PCDHGB2: variants seen among roughly 807,000 people sequenced by gnomAD.
PCDHGB2 encodes the protein protocadherin gamma subfamily B, 2, also known as protocadherin gamma-B2.
In PCDHGB2, 55 loss-of-function variants were observed where a neutral mutation model predicts 59.3. The observed-to-expected ratio is 0.93, with a 90% CI of 0.75 to 1.16. The LOEUF (loss-of-function observed/expected upper bound fraction) is 1.16. PCDHGB2 is among the 50% of genes most tolerant of loss of function. The pLI is 0.00. For synonymous variants in PCDHGB2, 516 were observed against 512.0 expected (o/e 1.01, Z -0.11); for missense variants, 1,228 against 1,198.5 (o/e 1.02, Z -0.36).
rs1480686339 is a variant in PCDHGB2, at chr5:141,415,643, A to G, written c.2421+53087A>G. ...TTTATTTTCATTTTTACTTTTGTTA[A>G]AAAAAAAAAGATTGGTTTTTACTTT... is the stretch of plus-strand genomic sequence containing the variant. On this transcript the variant is annotated intron_variant, in intron 1 of 3. Transcript: ENST00000522605. The G allele has an allele frequency of 5.1e-6, 8 of 1,571,752 alleles. No individual in the cohort carries two copies. In the South Asian group the frequency reaches 9.1e-5, roughly 18 times the overall value.
chr5:141,422,883 C>A, intron 1 of PCDHGB2: 1 of 1,614,242 alleles, frequency 6.2e-7, no homozygotes, highest in Non-Finnish European at 8.5e-7. Flanking sequence ...TGAGCCTGTT[C>A]GTGCTGGACC....
At chr5:141,478,428 C>G in intron 1 of PCDHGB2, 1 of 1,613,746 alleles carries the variant, frequency 6.2e-7, no homozygotes. Flanking sequence ...CGCAGCGACC[C>G]GCTGCTGAAG....
chr5:141,506,870 G>A (rs2099856877), intron 3 of PCDHGB2, among the ~76,000 whole-genome samples: 1 of 152,166 alleles, frequency 6.6e-6, no homozygotes, highest in East Asian at 1.9e-4. Flanking sequence ...GGTGGGTAGA[G>A]AACCAGGTGA....
chr5:141,489,846 T>C lies in PCDHGB2; in HGVS notation c.2422-4961T>C. The C allele has an allele frequency of 6.2e-7, 1 of 1,614,190 alleles. No individual in the cohort carries two copies. The highest frequency in any genetic ancestry group is 1.1e-5 in the South Asian group (1 of 91,088). ...TGGTGCTAGAGCAGCAGCTGGATCG[T>C]GAAGCCCAGGCAAGACATCAGCTGG... is the stretch of plus-strand genomic sequence containing the variant. On this transcript the variant is annotated intron_variant, in intron 1 of 3. Coordinates refer to ENST00000522605, the MANE Select transcript of PCDHGB2 (RefSeq NM_018923.3). This position sits in a 1 kb window ranked among gnomAD's most constrained non-coding sequence, Gnocchi z 4.5.
At chr5:141,372,698 C>A in intron 1 of PCDHGB2, 1 of 1,613,986 alleles carries the variant, frequency 6.2e-7, no homozygotes, top group Non-Finnish European at 8.5e-7. Context: ...TTAAATTTCT[C>A]AATATAAAGG....
At chr5:141,394,856 G>A (rs1008039711) in intron 1 of PCDHGB2, 1 of 1,613,792 alleles carries the variant, frequency 6.2e-7, no homozygotes, top group Non-Finnish European at 8.5e-7. Flanking sequence ...TGAAGCCTTC[G>A]GTCGACCCGA....
rs1235728365 is a variant in PCDHGB2 at position 141,485,502 on chromosome 5, C to T, written c.2422-9305C>T. ...TGCATCGTGCCCCTGGAGTTTGTCACCGAAGGTCCTTTGGAAATGTACCGA... is the reference window on the plus strand; with the variant it reads ...TGCATCGTGCCCCTGGAGTTTGTCATCGAAGGTCCTTTGGAAATGTACCGA... On this transcript the variant is annotated intron_variant, in intron 1 of 3. Transcript: ENST00000522605. This position sits in a 1 kb window ranked among gnomAD's most constrained non-coding sequence, Gnocchi z 5.7. 2 of 1,614,114 alleles carry T rather than the reference C, an allele frequency of 1.2e-6. No homozygotes were observed. Among genetic ancestry groups the T allele is most frequent in the Non-Finnish European group, 8.5e-7 (1 of 1,180,044 alleles).
At chr5:141,433,266 T>C in intron 1 of PCDHGB2, 1 of 1,315,306 alleles carries the variant, frequency 7.6e-7, no homozygotes, top group Non-Finnish European at 1.1e-6. Flanking sequence ...CGATCATAGC[T>C]CACTGCAGCC....
Position 141,370,983 on chromosome 5 carries a change from A to G in PCDHGB2, c.2421+8427A>G, listed in dbSNP as rs200655179. Reference sequence around the variant, plus strand: ...CAGTAGGTACCCAGAGCTAGTACTGAAAGCACCCCTGGACAGGGAAGAGCA... The same window carrying G: ...CAGTAGGTACCCAGAGCTAGTACTGGAAGCACCCCTGGACAGGGAAGAGCA... On this transcript the variant is annotated intron_variant, in intron 1 of 3. Coordinates refer to ENST00000522605, the MANE Select transcript of PCDHGB2 (RefSeq NM_018923.3). 112 of 1,613,998 alleles carry G rather than the reference A, an allele frequency of 6.9e-5. No homozygotes were observed. In the African/African-American group the frequency reaches 1.3e-3, roughly 19 times the overall value.
At chr5:141,479,312 A>G (rs1218187495) in intron 1 of PCDHGB2, 5 of 152,526 alleles carry the variant, frequency 3.3e-5, no homozygotes, top group African/African-American at 9.6e-5. Context: ...GAAAACATAA[A>G]GTAGCCAGAC....
chr5:141,389,463 G>C (rs1201903320), intron 1 of PCDHGB2: 1 of 1,613,192 alleles, frequency 6.2e-7, no homozygotes, highest in African/African-American at 1.3e-5. Context: ...GCGCGCCTTC[G>C]AACTCACACT....
In PCDHGB2 at chr5:141,512,903, C is replaced by G. The variant is rs2099884492; in HGVS notation, c.*1730C>G. On this transcript the variant is annotated 3_prime_UTR_variant, in exon 4 of 4. Coordinates refer to ENST00000522605, the MANE Select transcript of PCDHGB2 (RefSeq NM_018923.3). ...CCCCACCCTCTTCCTGTGTCTCACG[C>G]AAGTTTTATACTCTAATATTTATAT... 6.6e-6 allele frequency: 1 copy of G among 152,224 alleles called. No homozygotes were observed. Among genetic ancestry groups the G allele is most frequent in the African/African-American group, 2.4e-5 (1 of 41,452 alleles). 9.4% of individuals were successfully genotyped at this position (152,224 alleles called of 1,614,324 possible).
intron 2 of PCDHGB2, among the ~76,000 whole-genome samples, chr5:141,497,483 C>T (rs1039341023): frequency 6.6e-6 from 1 of 150,378 alleles, no homozygotes; most frequent in Non-Finnish European, 1.5e-5. Context: ...AGGTGCGGAA[C>T]CTCTCTCTCT....
Position 141,476,447 on chromosome 5 carries a change from G to A in PCDHGB2, c.2422-18360G>A. 2 of 1,614,130 alleles carry A rather than the reference G, an allele frequency of 1.2e-6. No homozygotes were observed. The highest frequency in any genetic ancestry group is 1.7e-6 in the Non-Finnish European group (2 of 1,180,026). On this transcript the variant is annotated intron_variant, in intron 1 of 3. Transcript: ENST00000522605. This position sits in a 1 kb window ranked among gnomAD's most constrained non-coding sequence, Gnocchi z 7.6. ...CTCTTGCACTGTAACTCTGGAGTTGGTAGTGGAGAACCCGCTGGAGCTGTT... is the reference window on the plus strand; with the variant it reads ...CTCTTGCACTGTAACTCTGGAGTTGATAGTGGAGAACCCGCTGGAGCTGTT...
At chr5:141,427,650 G>C (rs1352503291) in intron 1 of PCDHGB2, 1 of 718,312 alleles carries the variant, frequency 1.4e-6, no homozygotes. Flanking sequence ...AGTCTCCTAC[G>C]TGGTCCACGT....
chr5:141,365,279 A>T (rs1222527527), intron 1 of PCDHGB2: 1 of 1,613,978 alleles, frequency 6.2e-7, no homozygotes, highest in Non-Finnish European at 8.5e-7. Flanking sequence ...ATTCTACCTC[A>T]TGGAAGTGGT....
chr5:141,511,138 A>C lies in PCDHGB2; in HGVS notation c.2761A>C (p.Asn921His). 6.2e-7 allele frequency: 1 copy of C among 1,614,210 alleles called. No homozygotes were observed. ...DGKAPAGGNGNKKKSGKKEKK is the reference protein window; with the variant it reads ...DGKAPAGGNGHKKKSGKKEKK ...CAAGGCCCCAGCAGGTGGCAATGGCAACAAGAAGAAGTCGGGCAAGAAGGA... is the reference window on the plus strand; with the variant it reads ...CAAGGCCCCAGCAGGTGGCAATGGCCACAAGAAGAAGTCGGGCAAGAAGGA... Residue 921 changes from asparagine to histidine, a missense_variant, in exon 4 of 4, where the codon AAC becomes CAC. This residue lies in a region of PCDHGB2 where 433 missense variants were observed against 441.8 expected (regional missense o/e 0.98). Transcript: ENST00000522605.
Position 141,491,900 on chromosome 5 carries a change from G to T in PCDHGB2, c.2422-2907G>T. The T allele has an allele frequency of 7.0e-7, 1 of 1,429,936 alleles. No homozygotes were observed. The highest frequency in any genetic ancestry group is 1.5e-5 in the South Asian group (1 of 67,072). 88.6% of individuals were successfully genotyped at this position (1,429,936 alleles called of 1,614,324 possible). A position where few individuals can be genotyped will look rare whatever the true frequency, so the allele number is the denominator to read the frequency against. ...TAAGGGATGGGGCTCCGAGCACCGG[G>T]GGTGGTGGCGACTGTGGGCGAGGGG... On this transcript the variant is annotated intron_variant, in intron 1 of 3. Transcript: ENST00000522605. This position sits in a 1 kb window ranked among gnomAD's most constrained non-coding sequence, Gnocchi z 6.9.
chr5:141,426,085 C>T (rs1315114723), intron 1 of PCDHGB2, among the ~76,000 whole-genome samples: 7 of 152,148 alleles, frequency 4.6e-5, no homozygotes, highest in Non-Finnish European at 8.8e-5. Flanking sequence ...TCTACCAGGA[C>T]GATATTCTGT....
Sources: allele counts gnomAD v4.1 joint callset (sites outside exome capture counted in the v4.1 genomes callset), GRCh38; gene constraint gnomAD v4.1.1; regional missense constraint gnomAD v4.1.1; non-coding constraint Gnocchi (gnomAD v3.1); transcripts MANE v1.5; gene names NCBI Gene and HGNC (gene_info 2026-07-23, HGNC 2026-07-21).